The following SLC13A4 variants were observed in gnomAD, a reference collection of about 807,000 sequenced individuals.
The protein encoded by SLC13A4 is Na(+)/sulfate cotransporter SUT-1.
Under a neutral mutation model 72.7 loss-of-function variants are expected in SLC13A4, and 28 were observed. The observed-to-expected ratio is 0.39, with a 90% CI of 0.29 to 0.53. SLC13A4 has a LOEUF of 0.53. Ranked by LOEUF, SLC13A4 falls within the 20% of genes least tolerant of loss-of-function variation. The probability of loss-of-function intolerance (pLI) is 0.78; values close to 1 mark genes in which losing one functional copy is unlikely to be tolerated. For synonymous variants in SLC13A4, 312 were observed against 325.5 expected (o/e 0.96, Z 0.45); for missense variants, 653 against 788.0 (o/e 0.83, Z 2.05).
In SLC13A4 at chr7:135,684,148, A is replaced by G. The variant is rs1274895993; in HGVS notation, c.1722T>C (p.Tyr574=). 26 of 1,611,728 alleles carry G rather than the reference A, an allele frequency of 1.6e-5. No homozygotes were observed. Among genetic ancestry groups the G allele is most frequent in the Admixed American group, 5.0e-5 (3 of 59,796 alleles). The change falls in exon 15 of 16, where the codon TAT becomes TAC. Residue 574 remains tyrosine (Y), a synonymous_variant. Coordinates refer to ENST00000682651, the MANE Select transcript of SLC13A4 (RefSeq NM_001318192.2). The part of the protein sequence containing the change: ...GNPPNAIVFS[Y]GHCQIKDMVK... ...CCATATCTTTGATCTGGCAGTGCCC[A>G]TAGCTGAAGACGATGGCATTAGGGG...
intron 2 of SLC13A4, among the ~76,000 whole-genome samples, chr7:135,710,027 A>G (rs1257954031): frequency 1.3e-5 from 2 of 152,248 alleles, no homozygotes; most frequent in Non-Finnish European, 2.9e-5. Context: ...TTTGTCACAT[A>G]CATGAGAATT....
intron 3 of SLC13A4, among the ~76,000 whole-genome samples, chr7:135,706,596 C>CT (rs1796167535): frequency 6.6e-6 from 1 of 152,156 alleles, no homozygotes; most frequent in African/African-American, 2.4e-5. Context: ...AGGGTGTAGA[C>CT]TTACCATTGT....
chr7:135,718,099 G>A lies in SLC13A4; in HGVS notation c.228+3296C>T, dbSNP rs575090076. ...CACACACACACACACGCGCGCGCGCGCACGCGTGCGCGCTAGTCTCCTCTT... is the reference window on the plus strand; with the variant it reads ...CACACACACACACACGCGCGCGCGCACACGCGTGCGCGCTAGTCTCCTCTT... On this transcript the variant is annotated intron_variant, in intron 2 of 15. Coordinates refer to ENST00000682651, the MANE Select transcript of SLC13A4 (RefSeq NM_001318192.2). 4.0e-3 allele frequency among the ~76,000 whole-genome samples: 341 copies of A among 85,420 alleles called. 2 individuals carry two copies. Among genetic ancestry groups the A allele is most frequent in the African/African-American group, 0.014 (267 of 18,990 alleles). The allele number at this position is 85,420 out of a possible 152,430, so 56.0% of individuals were successfully genotyped here. A position where few individuals can be genotyped will look rare whatever the true frequency, so the allele number is the denominator to read the frequency against.
intron 8 of SLC13A4, among the ~76,000 whole-genome samples, chr7:135,697,856 T>C (rs1435823926): frequency 1.3e-5 from 2 of 152,110 alleles, no homozygotes; most frequent in Non-Finnish European, 2.9e-5. Context: ...TCTCTCTTAA[T>C]CTAGCTTACT....
chr7:135,718,087 ACG>A (rs1321726815), intron 2 of SLC13A4, among the ~76,000 whole-genome samples: 2 of 83,398 alleles, frequency 2.4e-5, no homozygotes, highest in East Asian at 4.2e-4. Context: ...ACACACACAC[ACG>A]CGCGCGCGCG....
chr7:135,703,004 G>T, intron 5 of SLC13A4, 120 bp from the exon 6 acceptor site: 1 of 724,486 alleles, frequency 1.4e-6, no homozygotes, highest in Non-Finnish European at 2.4e-6. Flanking sequence ...CAGTTTTCTA[G>T]TCTCCAGAGA....
intron 2 of SLC13A4, among the ~76,000 whole-genome samples, chr7:135,720,569 A>C (rs1031700771): frequency 1.3e-4 from 19 of 151,540 alleles, no homozygotes; most frequent in Non-Finnish European, 7.4e-5. Context: ...AAAAAAAAAA[A>C]AAAAACCAAA....
intron 2 of SLC13A4, among the ~76,000 whole-genome samples, chr7:135,718,690 C>T (rs1029583078): frequency 6.6e-5 from 10 of 152,044 alleles, no homozygotes; most frequent in Non-Finnish European, 8.8e-5. Context: ...GGTCAAAGAA[C>T]GGGAGAGAAC....
chr7:135,698,134 G>T (rs1026266779), intron 8 of SLC13A4, among the ~76,000 whole-genome samples: 11 of 152,048 alleles, frequency 7.2e-5, no homozygotes, highest in Admixed American at 3.3e-4. Flanking sequence ...CTAGGCTCAA[G>T]CGATTCTCCT....
chr7:135,720,626 A>C (rs1796527799), intron 2 of SLC13A4, among the ~76,000 whole-genome samples: 1 of 150,750 alleles, frequency 6.6e-6, no homozygotes, highest in Admixed American at 6.7e-5. Context: ...ATAATGAGAC[A>C]GTTGAATGGA....
At chr7:135,683,489 CT>C in intron 15 of SLC13A4, 2 of 980,798 alleles carry the variant, frequency 2.0e-6, no homozygotes, top group African/African-American at 3.6e-5. Context: ...TCCCCCCCCG[CT>C]CAGCCCTGGA....
Position 135,727,438 on chromosome 7 carries a change from G to C in SLC13A4, c.59C>G (p.Pro20Arg), listed in dbSNP as rs918984639. ...GACGGGCAGAGGCAGCAGCAGGAGCGGGACGCAGACGACCAGCAGCAGCTT... is the reference window on the plus strand; with the variant it reads ...GACGGGCAGAGGCAGCAGCAGGAGCCGGACGCAGACGACCAGCAGCAGCTT... ...VRKLLLVVCVPLLLLPLPVLH... is the reference protein window; with the variant it reads ...VRKLLLVVCVRLLLLPLPVLH... Residue 20 changes from proline (P) to arginine (R), a missense_variant, in exon 1 of 16, where the codon CCG becomes CGG. By Grantham distance (103) the Pro-to-Arg change is moderately radical. Coordinates refer to ENST00000682651, the MANE Select transcript of SLC13A4 (RefSeq NM_001318192.2). The C allele has an allele frequency of 3.9e-6, 6 of 1,549,968 alleles. No individual in the cohort carries two copies. The highest frequency in any genetic ancestry group is 2.7e-5 in the African/African-American group (2 of 72,994).
chr7:135,715,212 T>C (rs1479154998), intron 2 of SLC13A4, among the ~76,000 whole-genome samples: 7 of 150,214 alleles, frequency 4.7e-5, no homozygotes, highest in Non-Finnish European at 8.9e-5. Flanking sequence ...TATGTGTGCA[T>C]GAGTGTGTAT....
At chr7:135,706,397 A>T in intron 3 of SLC13A4, 97 bp from the exon 4 acceptor site, 9 of 1,307,156 alleles carry the variant, frequency 6.9e-6, no homozygotes, top group Non-Finnish European at 9.4e-6. Flanking sequence ...GCTGGTCTAG[A>T]CAGCTGTGGC....
intron 13 of SLC13A4, among the ~76,000 whole-genome samples, chr7:135,690,974 G>C (rs1408481217): frequency 6.6e-6 from 1 of 152,108 alleles, no homozygotes; most frequent in Non-Finnish European, 1.5e-5. Flanking sequence ...AGACTAGCCT[G>C]GCCAACATGG....
chr7:135,694,444 G>A (rs1255453207), intron 9 of SLC13A4, among the ~76,000 whole-genome samples: 2 of 152,132 alleles, frequency 1.3e-5, no homozygotes, highest in Non-Finnish European at 2.9e-5. Flanking sequence ...CTAGCCTACT[G>A]GGGATATCCA....
chr7:135,705,686 G>A (rs757907598), intron 4 of SLC13A4, 36 bp from the exon 5 acceptor site: 20 of 1,598,078 alleles, frequency 1.3e-5, no homozygotes, highest in Non-Finnish European at 1.5e-5. Flanking sequence ...TGTGAGAGGT[G>A]GAGGCTGGGG....
At chr7:135,708,322 T>A (rs1189667635) in intron 2 of SLC13A4, 72 bp from the exon 3 acceptor site, 2 of 1,594,156 alleles carry the variant, frequency 1.3e-6, no homozygotes, top group Non-Finnish European at 1.7e-6. Context: ...GCTGGGAGAA[T>A]GGGCCATACC....
At position 135,701,670 on chromosome 7, in the gene SLC13A4, G is replaced by T. The variant is rs767664941; in HGVS notation, c.714+10C>A. ...GTAGGAAACAGAGCTAGAAGGGGCC[G>T]TTCTATTACCTGGGATGGGTGTTGC... On this transcript the variant is annotated intron_variant, in intron 7 of 15. Transcript: ENST00000682651. 3.7e-6 allele frequency: 6 copies of T among 1,613,214 alleles called. No individual in the cohort carries two copies. The highest frequency in any genetic ancestry group is 5.1e-6 in the Non-Finnish European group (6 of 1,179,346).
Sources: gnomAD v4.1 joint callset for allele counts (sites outside exome capture counted in the v4.1 genomes callset) on GRCh38, gnomAD v4.1.1 for gene constraint, MANE v1.5 for transcripts, NCBI Gene and HGNC (gene_info 2026-07-23, HGNC 2026-07-21) for gene names.